The following RBM47 variants were observed in gnomAD, a reference collection of about 807,000 sequenced individuals.
RBM47 encodes the protein RNA binding motif protein 47.
A neutral mutation model predicts 47.1 loss-of-function variants in RBM47; 21 were observed. The ratio of observed to expected loss-of-function variants is 0.45; its 90% CI spans 0.32 to 0.64. The LOEUF (loss-of-function observed/expected upper bound fraction) is 0.64. Ranked by LOEUF, RBM47 falls within the 30% of genes least tolerant of loss-of-function variation. The probability of loss-of-function intolerance (pLI) is 0.05; values close to 1 mark genes in which losing one functional copy is unlikely to be tolerated. For missense variants in RBM47, 708 were observed against 870.9 expected, an observed-to-expected ratio of 0.81 and a Z score of 2.35; for synonymous variants, 375 against 361.7, an observed-to-expected ratio of 1.04 and a Z score of -0.42.
intron 3 of RBM47, among the ~76,000 whole-genome samples, chr4:40,460,956 A>G (rs576353117): frequency 1.7e-4 from 26 of 151,758 alleles, no homozygotes; most frequent in Non-Finnish European, 3.7e-4. Context: ...CAGTTTTCCC[A>G]GTCTCTATAA....
chr4:40,483,844 G>T (rs1720745945), intron 2 of RBM47, among the ~76,000 whole-genome samples: 1 of 152,134 alleles, frequency 6.6e-6, no homozygotes, highest in African/African-American at 2.4e-5. Flanking sequence ...TTCTAAAAAA[G>T]AAATTGCATA....
At chr4:40,597,703 C>T (rs1381708356) in intron 1 of RBM47, among the ~76,000 whole-genome samples, 1 of 152,194 alleles carries the variant, frequency 6.6e-6, no homozygotes. Context: ...AAACAATGCA[C>T]ATAAATGTGC....
At chr4:40,542,986 T>C (rs560063412) in intron 2 of RBM47, 3 of 152,378 alleles carry the variant, frequency 2.0e-5, no homozygotes, top group African/African-American at 4.8e-5. Context: ...TTCTTAATTA[T>C]GCTACATCTA....
intron 2 of RBM47, among the ~76,000 whole-genome samples, chr4:40,468,527 G>A (rs970486370): frequency 3.3e-5 from 5 of 152,276 alleles, no homozygotes; most frequent in East Asian, 1.9e-4. Flanking sequence ...TGGAGACACC[G>A]TAAGACCTTT....
chr4:40,446,733 A>G (rs1195288747), intron 3 of RBM47, among the ~76,000 whole-genome samples: 1 of 88,612 alleles, frequency 1.1e-5, no homozygotes, highest in Non-Finnish European at 2.3e-5. Context: ...AGCAAGACCC[A>G]GTCTCAAAAA....
chr4:40,532,580 G>A (rs1342545976), intron 2 of RBM47, among the ~76,000 whole-genome samples: 1 of 151,788 alleles, frequency 6.6e-6, no homozygotes, highest in Non-Finnish European at 1.5e-5. Flanking sequence ...CAAAGTGCTG[G>A]GATTACAGGC....
At chr4:40,489,900 A>G (rs1395634699) in intron 2 of RBM47, among the ~76,000 whole-genome samples, 1 of 152,246 alleles carries the variant, frequency 6.6e-6, no homozygotes, top group East Asian at 1.9e-4. Context: ...ACTTTTTAAA[A>G]ATACACAACT....
chr4:40,493,609 C>T (rs918865162), intron 2 of RBM47, among the ~76,000 whole-genome samples: 1 of 152,042 alleles, frequency 6.6e-6, no homozygotes, highest in African/African-American at 2.4e-5. Context: ...CATGGTGAAA[C>T]CCTGTCTCTA....
chr4:40,626,804 AGG>A (rs1737785740), intron 1 of RBM47, among the ~76,000 whole-genome samples: 3 of 152,156 alleles, frequency 2.0e-5, no homozygotes, highest in Non-Finnish European at 4.4e-5. Flanking sequence ...TTTTACCAAC[AGG>A]ATGATTCAGG....
chr4:40,623,954 G>A (rs1244230597), intron 1 of RBM47, among the ~76,000 whole-genome samples: 2 of 151,394 alleles, frequency 1.3e-5, no homozygotes, highest in African/African-American at 4.9e-5. Flanking sequence ...CGATCTCAAG[G>A]GATCCTCCCA....
At chr4:40,455,944 A>G (rs989033828) in intron 3 of RBM47, among the ~76,000 whole-genome samples, 12 of 152,222 alleles carry the variant, frequency 7.9e-5, no homozygotes, top group Non-Finnish European at 1.3e-4. Flanking sequence ...ATTAAAATGT[A>G]AAGAACCTGA....
chr4:40,630,428 A>AGAGCTCCCGGGGCGAGCTCCCGGGGC (rs1273923084), upstream of RBM47: 1 of 152,004 alleles, frequency 6.6e-6, no homozygotes, highest in Non-Finnish European at 1.5e-5. Flanking sequence ...GTGCCCGGGG[A>AGAGCTCCCGGGGCGAGCTCCCGGGGC]GAGCTCCCGG....
chr4:40,492,418 A>T (rs757219391), intron 2 of RBM47, among the ~76,000 whole-genome samples: 1 of 152,162 alleles, frequency 6.6e-6, no homozygotes, highest in African/African-American at 2.4e-5. Context: ...CGAGAGTGGG[A>T]GAAGTATGGC....
intron 2 of RBM47, among the ~76,000 whole-genome samples, chr4:40,496,964 C>T (rs1049635929): frequency 1.3e-5 from 2 of 148,692 alleles, no homozygotes; most frequent in Non-Finnish European, 3.0e-5. Flanking sequence ...TCACTTGAAC[C>T]TGGGAGGCGG....
chr4:40,426,545 A>T (rs927463248), intron 6 of RBM47, among the ~76,000 whole-genome samples: 7 of 151,884 alleles, frequency 4.6e-5, no homozygotes, highest in Non-Finnish European at 7.4e-5. Flanking sequence ...CTGTAAAAAA[A>T]TTTTTTTTCA....
At chr4:40,520,621 C>T (rs1483812495) in intron 2 of RBM47, among the ~76,000 whole-genome samples, 1 of 152,214 alleles carries the variant, frequency 6.6e-6, no homozygotes, top group Non-Finnish European at 1.5e-5. Flanking sequence ...TAATCTGGAG[C>T]TTCTAAATCT....
At chr4:40,565,232 C>T (rs889518486) in intron 1 of RBM47, among the ~76,000 whole-genome samples, 3 of 152,142 alleles carry the variant, frequency 2.0e-5, no homozygotes, top group African/African-American at 7.2e-5. Flanking sequence ...TTCTGAACTC[C>T]CCCAGTGATG....
At chr4:40,474,785 T>C (rs1019242546) in intron 2 of RBM47, among the ~76,000 whole-genome samples, 17 of 152,336 alleles carry the variant, frequency 1.1e-4, no homozygotes, top group African/African-American at 3.8e-4. Context: ...CAAACTTATC[T>C]TTTGACACTA....
chr4:40,430,510 T>C (rs536671887), intron 6 of RBM47, among the ~76,000 whole-genome samples: 3 of 152,374 alleles, frequency 2.0e-5, no homozygotes, highest in African/African-American at 7.2e-5. Flanking sequence ...TACAGTGTCA[T>C]TTACAACCAA....
Sources: gnomAD v4.1 joint callset for allele counts (sites outside exome capture counted in the v4.1 genomes callset) on GRCh38, gnomAD v4.1.1 for gene constraint, MANE v1.5 for transcripts, NCBI Gene and HGNC (gene_info 2026-07-23, HGNC 2026-07-21) for gene names.